Variants in METTL16 observed in about 807,000 individuals in gnomAD.
METTL16 encodes the protein methyltransferase 16, RNA N6-adenosine, also known as RNA N(6)-adenosine-methyltransferase METTL16.
METTL16 carries 19 observed loss-of-function variants against 57.9 expected under a neutral mutation model. The observed-to-expected ratio is 0.33, with a 90% CI of 0.23 to 0.48. METTL16 has a LOEUF of 0.48. METTL16 is among the 20% of genes least tolerant of loss of function. The pLI, the probability that METTL16 is intolerant of heterozygous loss-of-function variation, is 0.99. For synonymous variants in METTL16, 246 were observed against 255.6 expected, an observed-to-expected ratio of 0.96 and a Z score of 0.36; for missense variants, 434 against 691.5, an observed-to-expected ratio of 0.63 and a Z score of 4.18.
At chr17:2,503,348 C>G (rs950821341) in intron 1 of METTL16, among the ~76,000 whole-genome samples, 1 of 150,292 alleles carries the variant, frequency 6.7e-6, no homozygotes, top group African/African-American at 2.5e-5. Context: ...TACGGTATAT[C>G]CATATAATAA....
At chr17:2,439,081 A>G (rs2066928529) in intron 7 of METTL16, among the ~76,000 whole-genome samples, 1 of 152,156 alleles carries the variant, frequency 6.6e-6, no homozygotes, top group South Asian at 2.1e-4. Flanking sequence ...AGGAAAGTGG[A>G]AGTGGCGGTG....
Position 2,448,802 on chromosome 17 carries a change from T to TC in METTL16, c.729-7244_729-7243insG, listed in dbSNP as rs1555617301. Among the ~76,000 whole-genome samples the TC allele has an allele frequency of 6.9e-5, 3 of 43,642 alleles. No individual in the cohort carries two copies. The East Asian group carries it at 1.9e-3, about 28-fold the overall frequency. The allele number at this position is 43,642 out of a possible 152,430, so 28.6% of individuals were successfully genotyped here. A position where few individuals can be genotyped will look rare whatever the true frequency, so the allele number is the denominator to read the frequency against. On this transcript the variant is annotated intron_variant, in intron 6 of 9. Transcript: ENST00000263092. ...AAAATAAAAAAATAAAAATAAAATTTAAAAAAAAAAAAAAAAAAAAAAAAG... is the reference window on the plus strand; with the variant it reads ...AAAATAAAAAAATAAAAATAAAATTTCAAAAAAAAAAAAAAAAAAAAAAAAG...
chr17:2,433,422 T>C (rs948825449), intron 8 of METTL16, among the ~76,000 whole-genome samples: 2 of 142,970 alleles, frequency 1.4e-5, no homozygotes, highest in African/African-American at 6.0e-5. Context: ...GTGAGCAGGA[T>C]GCTGACTGCA....
intron 2 of METTL16, among the ~76,000 whole-genome samples, chr17:2,491,876 C>CA (rs1171788438): frequency 0.087 from 4,641 of 53,634 alleles, 227 homozygotes; most frequent in Non-Finnish European, 0.11. Context: ...CACCGTCTCA[C>CA]AAAAAAAAAA....
intron 8 of METTL16, among the ~76,000 whole-genome samples, chr17:2,427,952 CA>C (rs36089320): frequency 7.5e-4 from 95 of 127,244 alleles, no homozygotes; most frequent in African/African-American, 1.2e-3. Context: ...CATCTTTACC[CA>C]AAAAAAAAAA....
At chr17:2,447,742 C>T (rs1307875654) in intron 6 of METTL16, among the ~76,000 whole-genome samples, 68 of 127,388 alleles carry the variant, frequency 5.3e-4, no homozygotes, top group Non-Finnish European at 6.7e-4. Flanking sequence ...CCGCCCAGTC[C>T]GGGAGGGAGG....
chr17:2,424,600 A>T (rs1186822449), intron 8 of METTL16, among the ~76,000 whole-genome samples: 1 of 152,034 alleles, frequency 6.6e-6, no homozygotes, highest in African/African-American at 2.4e-5. Flanking sequence ...ATGCACACAC[A>T]TCATCTCAGG....
chr17:2,470,201 C>G (rs776528653), intron 4 of METTL16, among the ~76,000 whole-genome samples: 2 of 152,094 alleles, frequency 1.3e-5, no homozygotes, highest in African/African-American at 2.4e-5. Flanking sequence ...CTCTGTAAGG[C>G]ACATCACAGC....
chr17:2,464,422 C>G, intron 5 of METTL16, 72 bp from the exon 6 acceptor site: 1 of 1,412,000 alleles, frequency 7.1e-7, no homozygotes. Flanking sequence ...TAATCTATCT[C>G]TAAGTTAGAA....
At chr17:2,470,070 TATGG>T (rs1387040420) in intron 4 of METTL16, among the ~76,000 whole-genome samples, 2 of 152,190 alleles carry the variant, frequency 1.3e-5, no homozygotes, top group East Asian at 3.9e-4. Flanking sequence ...AACCTTATTT[TATGG>T]TGTTCCTGTT....
chr17:2,444,310 TGTG>T (rs780807701), intron 6 of METTL16, among the ~76,000 whole-genome samples: 1 of 151,980 alleles, frequency 6.6e-6, no homozygotes, highest in Non-Finnish European at 1.5e-5. Context: ...ATTAGCCAGA[TGTG>T]GTGGTGGGCA....
In METTL16 at chr17:2,502,254, T is replaced by C. The variant is rs1056616241; in HGVS notation, c.78A>G (p.Lys26=). 1 of 1,613,786 alleles carries C rather than the reference T, an allele frequency of 6.2e-7. No individual in the cohort carries two copies. The highest frequency in any genetic ancestry group is 1.3e-5 in the African/African-American group (1 of 74,944). The change falls in exon 2 of 10, where the codon AAA becomes AAG. Residue 26 remains lysine (K), a synonymous_variant. Coordinates refer to ENST00000263092, the MANE Select transcript of METTL16 (RefSeq NM_024086.4). ...KPPDFAYLAS[K]YPDFKQHVQI... is the part of the protein sequence containing the mutation. Reference sequence around the variant, plus strand: ...GAACATGCTGCTTAAAATCTGGATATTTGGATGCCAGATATGCAAAGTCAG... The same window carrying C: ...GAACATGCTGCTTAAAATCTGGATACTTGGATGCCAGATATGCAAAGTCAG...
At chr17:2,476,900 G>T (rs890439089) in intron 3 of METTL16, among the ~76,000 whole-genome samples, 1 of 151,506 alleles carries the variant, frequency 6.6e-6, no homozygotes, top group South Asian at 2.1e-4. Context: ...AGGTTGCAAC[G>T]AGTCGAGACC....
At chr17:2,487,960 G>T (rs546478581) in intron 2 of METTL16, among the ~76,000 whole-genome samples, 1 of 151,612 alleles carries the variant, frequency 6.6e-6, no homozygotes, top group Non-Finnish European at 1.5e-5. Flanking sequence ...AGCTGTGATC[G>T]CATCACTGTA....
chr17:2,420,216 T>C lies in METTL16; in HGVS notation c.1443A>G (p.Gln481=), dbSNP rs1271918220. The C allele has an allele frequency of 6.2e-7, 1 of 1,614,244 alleles. No homozygotes were observed. The highest frequency in any genetic ancestry group is 1.3e-5 in the African/African-American group (1 of 75,074). ...GGTCCTGGGCTCCGTTGCTAGAGCC[T>C]TGACAACTTTCCAAAACCTCCACCC... The part of the protein sequence containing the change: ...KGGVEVLESC[Q]GSSNGAQDQE... The change falls in exon 10 of 10, where the codon CAA becomes CAG. Residue 481 remains glutamine (Q), a synonymous_variant. Coordinates refer to ENST00000263092, the MANE Select transcript of METTL16 (RefSeq NM_024086.4). This position sits in a 1 kb window ranked among gnomAD's most constrained non-coding sequence, Gnocchi z 5.4.
In METTL16 at chr17:2,419,886, C is replaced by G. The variant is rs979029773; in HGVS notation, c.*84G>C. ...AATTCCACATCGTGCTACTAATGGGCCGCTGGTAGGATTCCTCTTGCCACC... is the reference window on the plus strand; with the variant it reads ...AATTCCACATCGTGCTACTAATGGGGCGCTGGTAGGATTCCTCTTGCCACC... On this transcript the variant is annotated 3_prime_UTR_variant, in exon 10 of 10. Transcript: ENST00000263092. 4 of 1,506,586 alleles carry G rather than the reference C, an allele frequency of 2.7e-6. No homozygotes were observed. The highest frequency in any genetic ancestry group is 3.6e-6 in the Non-Finnish European group (4 of 1,098,574). 93.3% of individuals were successfully genotyped at this position (1,506,586 alleles called of 1,614,324 possible). A position where few individuals can be genotyped will look rare whatever the true frequency, so the allele number is the denominator to read the frequency against.
intron 6 of METTL16, among the ~76,000 whole-genome samples, chr17:2,453,176 A>G (rs1307253907): frequency 6.6e-6 from 1 of 152,130 alleles, no homozygotes; most frequent in Non-Finnish European, 1.5e-5. Context: ...AAGTGTATTC[A>G]TTTTTGTAAC....
chr17:2,477,654 G>T, intron 3 of METTL16, 32 bp downstream of exon 3: 1 of 1,528,868 alleles, frequency 6.5e-7, no homozygotes, highest in Non-Finnish European at 9.1e-7. Flanking sequence ...TATGAAAACT[G>T]TTTAGCCAAA....
chr17:2,468,879 C>A (rs1726666054), intron 4 of METTL16, among the ~76,000 whole-genome samples: 1 of 151,938 alleles, frequency 6.6e-6, no homozygotes, highest in Admixed American at 6.6e-5. Flanking sequence ...CAGAGTGAGA[C>A]CCTGTCTCTA....
Sources: gnomAD v4.1 joint callset for allele counts (sites outside exome capture counted in the v4.1 genomes callset) on GRCh38, gnomAD v4.1.1 for gene constraint, Gnocchi (gnomAD v3.1) non-coding constraint, MANE v1.5 for transcripts, NCBI Gene and HGNC (gene_info 2026-07-23, HGNC 2026-07-21) for gene names.